TESC: variants seen among roughly 807,000 people sequenced by gnomAD.
The protein encoded by TESC is calcineurin B homologous protein 3.
TESC carries 19 observed loss-of-function variants against 31.0 expected under a neutral mutation model. That is an observed-to-expected ratio of 0.61 (90% CI 0.43 to 0.90). The LOEUF (loss-of-function observed/expected upper bound fraction) is 0.90. TESC is among the 40% of genes least tolerant of loss of function. The pLI is 0.00. For synonymous variants in TESC, 109 were observed against 114.8 expected (o/e 0.95, Z 0.32); for missense variants, 248 against 303.8 (o/e 0.82, Z 1.36).
chr12:117,058,565 T>TGAA (rs1954761261), intron 2 of TESC, among the ~76,000 whole-genome samples: 1 of 113,332 alleles, frequency 8.8e-6, no homozygotes, highest in African/African-American at 3.2e-5. Flanking sequence ...GTAAAGCTGT[T>TGAA]AAAAAAAAAA....
intron 1 of TESC, among the ~76,000 whole-genome samples, chr12:117,097,577 C>T (rs1477416441): frequency 6.6e-6 from 1 of 152,116 alleles, no homozygotes. Context: ...GCAGAGGAGA[C>T]CCAAGCAAGT....
At chr12:117,065,285 C>T (rs1439628202) in intron 2 of TESC, among the ~76,000 whole-genome samples, 1 of 152,100 alleles carries the variant, frequency 6.6e-6, no homozygotes, top group Admixed American at 6.5e-5. Flanking sequence ...TGGATGAGGG[C>T]AGGGGCTGGG....
At chr12:117,049,328 C>T (rs1231019253) in intron 3 of TESC, among the ~76,000 whole-genome samples, 170 bp from the exon 4 acceptor site, 3 of 152,250 alleles carry the variant, frequency 2.0e-5, no homozygotes, top group African/African-American at 4.8e-5. Flanking sequence ...GGGCTGCAGG[C>T]TCCGGAAGCT....
intron 1 of TESC, among the ~76,000 whole-genome samples, chr12:117,083,026 G>A (rs532426148): frequency 6.6e-6 from 1 of 151,714 alleles, no homozygotes; most frequent in Admixed American, 6.6e-5. Flanking sequence ...AAAACAGTTT[G>A]GTAGTTCCTC....
At chr12:117,077,440 G>A (rs1342436715) in intron 1 of TESC, among the ~76,000 whole-genome samples, 1 of 152,194 alleles carries the variant, frequency 6.6e-6, no homozygotes, top group Admixed American at 6.5e-5. Context: ...CACAAATAAC[G>A]CATACTTCTG....
intron 2 of TESC, among the ~76,000 whole-genome samples, chr12:117,064,109 GTC>G (rs1234430857): frequency 5.3e-5 from 8 of 151,934 alleles, no homozygotes; most frequent in African/African-American, 1.9e-4. Flanking sequence ...TAAAGACAGG[GTC>G]TCACTATATT....
At chr12:117,067,208 T>C (rs1385251238) in intron 2 of TESC, among the ~76,000 whole-genome samples, 1 of 152,068 alleles carries the variant, frequency 6.6e-6, no homozygotes, top group Non-Finnish European at 1.5e-5. Context: ...ATTCTGATGG[T>C]GAAACAGCCT....
intron 7 of TESC, 117 bp from the exon 8 acceptor site, chr12:117,039,327 C>CA: frequency 1.0e-6 from 1 of 993,546 alleles, no homozygotes; most frequent in Non-Finnish European, 1.5e-6. Flanking sequence ...TGTGATGTTC[C>CA]AGGCAGGTGA....
chr12:117,061,265 G>T lies in TESC; in HGVS notation c.129-4379C>A, dbSNP rs548156659. Among the ~76,000 whole-genome samples the T allele has an allele frequency of 7.2e-5, 11 of 152,322 alleles. No homozygotes were observed. In the South Asian group the frequency reaches 2.1e-3, roughly 29 times the overall value. ...TGCCTTGCACTGCTGGGCTTGGCAAGGTGGTCAATAAATGGTTTGCTGAGC... is the reference window on the plus strand; with the variant it reads ...TGCCTTGCACTGCTGGGCTTGGCAATGTGGTCAATAAATGGTTTGCTGAGC... On this transcript the variant is annotated intron_variant, in intron 2 of 7. Coordinates refer to ENST00000335209, the MANE Select transcript of TESC (RefSeq NM_017899.4).
intron 1 of TESC, among the ~76,000 whole-genome samples, chr12:117,094,032 T>G (rs1546247): frequency 0.53 from 79,853 of 151,500 alleles, 22,235 homozygotes; most frequent in African/African-American, 0.72. Flanking sequence ...CTCCGTCAGG[T>G]CCCACTTTGT....
chr12:117,050,248 T>G (rs2135753842), intron 3 of TESC, among the ~76,000 whole-genome samples: 1 of 152,338 alleles, frequency 6.6e-6, no homozygotes, highest in South Asian at 2.1e-4. Flanking sequence ...GCCCATTCAT[T>G]TATGCTTGTC....
intron 1 of TESC, among the ~76,000 whole-genome samples, chr12:117,090,297 T>C (rs750715497): frequency 1.3e-5 from 2 of 152,240 alleles, no homozygotes; most frequent in Non-Finnish European, 2.9e-5. Context: ...TTAAAGTACA[T>C]TAAGGTCCCC....
chr12:117,080,329 G>A (rs922049899), intron 1 of TESC, among the ~76,000 whole-genome samples: 9 of 152,220 alleles, frequency 5.9e-5, no homozygotes, highest in South Asian at 2.1e-4. Flanking sequence ...TCAGCCAGGC[G>A]TGGTGGGGCG....
chr12:117,057,934 G>A (rs757869159), intron 2 of TESC, among the ~76,000 whole-genome samples: 1 of 152,076 alleles, frequency 6.6e-6, no homozygotes, highest in Non-Finnish European at 1.5e-5. Context: ...ATGATGCTAA[G>A]TGAGCCCGGG....
intron 2 of TESC, among the ~76,000 whole-genome samples, chr12:117,071,524 G>GT (rs1324639749): frequency 2.0e-5 from 3 of 152,332 alleles, no homozygotes; most frequent in Admixed American, 1.3e-4. Flanking sequence ...ACACACCTGT[G>GT]TGAGTCCCAC....
intron 1 of TESC, among the ~76,000 whole-genome samples, chr12:117,095,985 T>G (rs1955388908): frequency 6.8e-6 from 1 of 147,886 alleles, no homozygotes; most frequent in Admixed American, 6.7e-5. Context: ...GCAAGCTGGT[T>G]TACCTCTCTA....
At chr12:117,070,992 G>C (rs749865852) in intron 2 of TESC, among the ~76,000 whole-genome samples, 2 of 152,138 alleles carry the variant, frequency 1.3e-5, no homozygotes, top group Non-Finnish European at 2.9e-5. Context: ...AAAGATTAAA[G>C]TAACACAATC....
chr12:117,067,770 T>G (rs1353193498), intron 2 of TESC, among the ~76,000 whole-genome samples: 1 of 152,204 alleles, frequency 6.6e-6, no homozygotes, highest in Non-Finnish European at 1.5e-5. Flanking sequence ...TTGCTTAATC[T>G]GTAAAATGGG....
intron 2 of TESC, 115 bp from the exon 3 acceptor site, chr12:117,057,001 G>T: frequency 2.1e-6 from 2 of 953,690 alleles, no homozygotes; most frequent in East Asian, 2.5e-5. Flanking sequence ...GCCCCCACAA[G>T]AATAGTTCAG....
Sources: gnomAD v4.1 joint callset for allele counts (sites outside exome capture counted in the v4.1 genomes callset) on GRCh38, gnomAD v4.1.1 for gene constraint, MANE v1.5 for transcripts, NCBI Gene and HGNC (gene_info 2026-07-23, HGNC 2026-07-21) for gene names.